SLC25A26: variants seen among roughly 807,000 people sequenced by gnomAD.
The protein encoded by SLC25A26 is mitochondrial S-adenosylmethionine carrier protein.
Under a neutral mutation model 37.8 loss-of-function variants are expected in SLC25A26, and 36 were observed. The ratio of observed to expected loss-of-function variants is 0.95; its 90% CI spans 0.73 to 1.26. The LOEUF is 1.26. Among genes scored for constraint, SLC25A26 ranks in the 50% most tolerant of loss-of-function variants. The pLI, the probability that SLC25A26 is intolerant of heterozygous loss-of-function variation, is 0.00. For missense variants in SLC25A26, 390 were observed against 331.1 expected (o/e 1.18, Z -1.38); for synonymous variants, 129 against 122.5 (o/e 1.05, Z -0.35).
chr3:66,186,427 G>C (rs1395839882), intron 1 of SLC25A26, among the ~76,000 whole-genome samples: 1 of 151,664 alleles, frequency 6.6e-6, no homozygotes, highest in African/African-American at 2.4e-5. Context: ...TGACCTCCCT[G>C]CTGCTGAACT....
chr3:66,371,510 G>T, intron 9 of SLC25A26: 7 of 1,352,774 alleles, frequency 5.2e-6, no homozygotes, highest in Non-Finnish European at 6.7e-6. Flanking sequence ...ATATTGGATG[G>T]TTTTGTTGAA....
intron 5 of SLC25A26, among the ~76,000 whole-genome samples, chr3:66,341,511 C>T (rs999731449): frequency 3.9e-5 from 6 of 152,140 alleles, no homozygotes; most frequent in African/African-American, 1.4e-4. Flanking sequence ...AAAATCTAAT[C>T]ATTACCTTCA....
At chr3:66,223,337 A>C (rs2071587386) in intron 1 of SLC25A26, among the ~76,000 whole-genome samples, 1 of 152,150 alleles carries the variant, frequency 6.6e-6, no homozygotes, top group Admixed American at 6.5e-5. Context: ...AGAGTTTTCA[A>C]GTGGTGAGGC....
intron 1 of SLC25A26, among the ~76,000 whole-genome samples, chr3:66,231,848 T>C (rs1337675293): frequency 6.6e-6 from 1 of 151,018 alleles, no homozygotes; most frequent in South Asian, 2.1e-4. Context: ...CATAGCTTAC[T>C]GCAACCTCAA....
chr3:66,222,059 T>C (rs2106875657), intron 1 of SLC25A26, among the ~76,000 whole-genome samples: 1 of 151,832 alleles, frequency 6.6e-6, no homozygotes, highest in East Asian at 1.9e-4. Context: ...AGGTTCAGGG[T>C]GTTAGGGGAA....
intron 1 of SLC25A26, among the ~76,000 whole-genome samples, chr3:66,209,061 TATATACACACAC>T (rs2071230358): frequency 2.2e-4 from 6 of 26,984 alleles, no homozygotes; most frequent in Admixed American, 1.5e-3. Flanking sequence ...TATATATATA[TATATACACACAC>T]ACACCCATAT....
intron 1 of SLC25A26, among the ~76,000 whole-genome samples, chr3:66,166,997 C>A (rs2070433845): frequency 6.6e-6 from 1 of 152,196 alleles, no homozygotes; most frequent in Non-Finnish European, 1.5e-5. Context: ...AGTTTCCCTA[C>A]ACAGGTTCTC....
At chr3:66,349,777 T>G (rs2076408062) in intron 6 of SLC25A26, among the ~76,000 whole-genome samples, 1 of 152,176 alleles carries the variant, frequency 6.6e-6, no homozygotes, top group Non-Finnish European at 1.5e-5. Flanking sequence ...AAACAAACTG[T>G]CAAGGTGTTT....
intron 5 of SLC25A26, among the ~76,000 whole-genome samples, chr3:66,272,320 C>T (rs1352649282): frequency 6.6e-6 from 1 of 152,024 alleles, no homozygotes; most frequent in Non-Finnish European, 1.5e-5. Flanking sequence ...GTGTATTTTA[C>T]ATTTTATAAA....
At chr3:66,329,782 C>T (rs1014206146) in intron 5 of SLC25A26, among the ~76,000 whole-genome samples, 20 of 152,102 alleles carry the variant, frequency 1.3e-4, no homozygotes, top group Non-Finnish European at 2.2e-4. Flanking sequence ...ACTGTTACCT[C>T]GAACTCCTGG....
At chr3:66,194,797 C>A (rs1181869776) in intron 1 of SLC25A26, among the ~76,000 whole-genome samples, 3 of 152,208 alleles carry the variant, frequency 2.0e-5, no homozygotes, top group African/African-American at 7.2e-5. Flanking sequence ...GACGGGGTTT[C>A]TTCGTGTTGG....
rs1371306688 is a variant in SLC25A26 at position 66,209,879 on chromosome 3, C to CCT, written c.-353-10848_-353-10847dup. Among the ~76,000 whole-genome samples, 382 of 63,694 alleles carry CCT rather than the reference C, an allele frequency of 6.0e-3. 18 individuals carry two copies. The highest frequency in any genetic ancestry group is 0.025 in the African/African-American group (357 of 14,500). 41.8% of individuals were successfully genotyped at this position (63,694 alleles called of 152,430 possible). On this transcript the variant is annotated intron_variant, in intron 1 of 10. Coordinates refer to the SLC25A26 transcript ENST00000676754. ...GTATACACACACATATATATATACT[C>CCT]CTCTCTCTCTCTCTCTATTTATATA...
rs752561866 is a variant in SLC25A26 at position 66,377,675 on chromosome 3, T to G, written c.708-15T>G. On this transcript the variant is annotated splice_polypyrimidine_tract_variant and intron_variant, in intron 9 of 9. Transcript: ENST00000354883. ...AAAATACGCACAACATTAAAAATCCTGTTTTTTCCCCTAGATTATTTGCAG... is the reference window on the plus strand; with the variant it reads ...AAAATACGCACAACATTAAAAATCCGGTTTTTTCCCCTAGATTATTTGCAG... 20 of 1,598,854 alleles carry G rather than the reference T, an allele frequency of 1.3e-5. No individual in the cohort carries two copies. The South Asian group carries it at 1.5e-4, about 12-fold the overall frequency.
intron 1 of SLC25A26, among the ~76,000 whole-genome samples, chr3:66,168,561 T>C (rs1440847606): frequency 1.3e-5 from 2 of 152,202 alleles, no homozygotes; most frequent in Non-Finnish European, 2.9e-5. Flanking sequence ...TTTATTTTTT[T>C]CCCCAAACTT....
intron 5 of SLC25A26, among the ~76,000 whole-genome samples, chr3:66,275,625 T>G (rs1227728874): frequency 6.6e-6 from 1 of 152,094 alleles, no homozygotes; most frequent in African/African-American, 2.4e-5. Flanking sequence ...TCCAGATACA[T>G]TTAGCAAGAA....
chr3:66,370,064 GAACA>G (rs1467076447), intron 8 of SLC25A26, among the ~76,000 whole-genome samples: 1 of 152,200 alleles, frequency 6.6e-6, no homozygotes, highest in Non-Finnish European at 1.5e-5. Flanking sequence ...TGGAAAAGTA[GAACA>G]AATAATGGGC....
rs189554644 is a variant in SLC25A26, at chr3:66,228,507, T to G, written c.33+7380T>G. 4.7e-3 allele frequency among the ~76,000 whole-genome samples: 715 copies of G among 152,332 alleles called. 7 individuals carry two copies. The highest frequency in any genetic ancestry group is 0.016 in the African/African-American group (681 of 41,578). ...GGAAAGATAAAAGTTACACCCACAGTTATCTCACCTCCCCAAATCAGGTGT... is the reference window on the plus strand; with the variant it reads ...GGAAAGATAAAAGTTACACCCACAGGTATCTCACCTCCCCAAATCAGGTGT... On this transcript the variant is annotated intron_variant, in intron 1 of 9. Transcript: ENST00000354883.
chr3:66,199,865 C>T (rs2071087543), intron 1 of SLC25A26, among the ~76,000 whole-genome samples: 1 of 152,132 alleles, frequency 6.6e-6, no homozygotes, highest in African/African-American at 2.4e-5. Context: ...CTGACCAGAG[C>T]TGCATTGACT....
At chr3:66,154,789 T>G in intron 1 of SLC25A26, among the ~76,000 whole-genome samples, 1 of 152,166 alleles carries the variant, frequency 6.6e-6, no homozygotes, top group Non-Finnish European at 1.5e-5. Context: ...GCGGGCCTTG[T>G]TTACTTTGGA....
Sources: gnomAD v4.1 joint callset for allele counts (sites outside exome capture counted in the v4.1 genomes callset) on GRCh38, gnomAD v4.1.1 for gene constraint, MANE v1.5 for transcripts, NCBI Gene and HGNC (gene_info 2026-07-23, HGNC 2026-07-21) for gene names.